The following TBC1D8 variants were observed in gnomAD, a reference collection of about 807,000 sequenced individuals.
TBC1D8 encodes the protein BUB2-like protein 1.
TBC1D8 carries 65 observed loss-of-function variants against 118.8 expected under a neutral mutation model. The ratio of observed to expected loss-of-function variants is 0.55; its 90% CI spans 0.45 to 0.67. The LOEUF (loss-of-function observed/expected upper bound fraction) is 0.67. TBC1D8 is among the 30% of genes least tolerant of loss of function. The pLI is 0.00. For synonymous variants in TBC1D8, 566 were observed against 595.8 expected, an observed-to-expected ratio of 0.95 and a Z score of 0.73; for missense variants, 1,376 against 1,471.2, an observed-to-expected ratio of 0.94 and a Z score of 1.06.
intron 2 of TBC1D8, among the ~76,000 whole-genome samples, chr2:101,076,308 G>A (rs1011427134): frequency 1.3e-5 from 2 of 152,106 alleles, no homozygotes; most frequent in East Asian, 1.9e-4. Context: ...TGATCATAAC[G>A]GAAAAAAACC....
At position 101,035,446 on chromosome 2, in the gene TBC1D8, C is replaced by T. The variant is rs185865823; in HGVS notation, c.1603+572G>A. On this transcript the variant is annotated intron_variant, in intron 9 of 19. Coordinates refer to ENST00000409318, the MANE Select transcript of TBC1D8 (RefSeq NM_001330348.2). ...TCCTGATGAGGGTTCCCAGGCGTTC[C>T]CCAATGGGTGCAGTGAGAGGCCCCG... Among the ~76,000 whole-genome samples the T allele has an allele frequency of 6.6e-5, 10 of 152,276 alleles. No individual in the cohort carries two copies. The East Asian group carries it at 1.9e-3, about 29-fold the overall frequency.
At chr2:101,063,461 TG>T (rs923050891) in intron 2 of TBC1D8, among the ~76,000 whole-genome samples, 2 of 152,148 alleles carry the variant, frequency 1.3e-5, no homozygotes, top group African/African-American at 4.8e-5. Flanking sequence ...AAGACATAAT[TG>T]TATGCTTCTC....
intron 1 of TBC1D8, among the ~76,000 whole-genome samples, chr2:101,122,383 C>CAAGAAAAAAAAAAAAA (rs1678161154): frequency 1.4e-5 from 1 of 71,934 alleles, no homozygotes; most frequent in Non-Finnish European, 2.8e-5. Flanking sequence ...GACTCCATTT[C>CAAGAAAAAAAAAAAAA]AAAAAAAAAA....
chr2:101,049,324 A>C (rs988639373), intron 5 of TBC1D8, among the ~76,000 whole-genome samples: 3 of 152,256 alleles, frequency 2.0e-5, no homozygotes, highest in Admixed American at 6.5e-5. Flanking sequence ...CAAACCACGT[A>C]GCATACTGAC....
rs1681175497 is a variant in TBC1D8, at chr2:101,038,519, A to G, written c.1217T>C (p.Leu406Ser). The G allele has an allele frequency of 6.2e-7, 1 of 1,613,632 alleles. No individual in the cohort carries two copies. Among genetic ancestry groups the G allele is most frequent in the African/African-American group, 1.3e-5 (1 of 74,868 alleles). ...GGGGTGGTTGGCGTGGACCTGCTTC[A>G]ACCTCGCAAGCAGCGCCTCCACCAG... ...DSLVEALLARLKQVHANHPVH... is the reference protein window; with the variant it reads ...DSLVEALLARSKQVHANHPVH... Residue 406 changes from leucine (L) to serine (S), a missense_variant, in exon 7 of 20, where the codon TTG becomes TCG. Transcript: ENST00000409318.
chr2:101,048,422 G>A (rs552758961), intron 5 of TBC1D8, among the ~76,000 whole-genome samples: 11 of 152,248 alleles, frequency 7.2e-5, no homozygotes, highest in Admixed American at 2.6e-4. Flanking sequence ...TGCCCCAAGC[G>A]TGTCCTTTCA....
chr2:101,084,506 G>A (rs548163408), intron 2 of TBC1D8, among the ~76,000 whole-genome samples: 7 of 152,134 alleles, frequency 4.6e-5, no homozygotes, highest in Admixed American at 2.0e-4. Flanking sequence ...AGCCGAGATC[G>A]CATGACCGCA....
At chr2:101,087,195 C>T (rs1283816836) in intron 2 of TBC1D8, among the ~76,000 whole-genome samples, 1 of 152,184 alleles carries the variant, frequency 6.6e-6, no homozygotes, top group Non-Finnish European at 1.5e-5. Flanking sequence ...TGCTCTAGAG[C>T]ATAGCCTCAA....
At chr2:101,054,055 C>T (rs1401053061) in intron 4 of TBC1D8, 53 bp downstream of exon 4, 1 of 1,527,274 alleles carries the variant, frequency 6.5e-7, no homozygotes, top group Admixed American at 1.9e-5. Context: ...GGGAGCAGCG[C>T]TGAGTCCCTG....
intron 9 of TBC1D8, among the ~76,000 whole-genome samples, chr2:101,035,171 G>A (rs995977092): frequency 6.6e-6 from 1 of 152,028 alleles, no homozygotes; most frequent in Non-Finnish European, 1.5e-5. Flanking sequence ...GCCTCCAGGC[G>A]CCTCCCTGCT....
intron 1 of TBC1D8, among the ~76,000 whole-genome samples, chr2:101,115,824 T>C (rs1574057668): frequency 6.6e-6 from 1 of 151,916 alleles, no homozygotes; most frequent in Admixed American, 6.5e-5. Context: ...CTGGCAGTGG[T>C]AGTGATGGAA....
chr2:101,055,943 C>CCA (rs1433520337), intron 3 of TBC1D8, among the ~76,000 whole-genome samples: 1 of 152,198 alleles, frequency 6.6e-6, no homozygotes, highest in Admixed American at 6.5e-5. Flanking sequence ...CTGTGAACAG[C>CCA]CACTGCACTC....
At chr2:101,105,439 A>G (rs770058923) in intron 1 of TBC1D8, among the ~76,000 whole-genome samples, 10 of 151,872 alleles carry the variant, frequency 6.6e-5, no homozygotes, top group Non-Finnish European at 1.5e-4. Flanking sequence ...AAATACAAAA[A>G]TCAGCTTGGC....
Position 101,103,667 on chromosome 2 carries a change from C to T in TBC1D8, c.128-13303G>A, listed in dbSNP as rs555583180. ...TTGGCCTCCCAAAGTGCTGGGATTACAGGCGTGAGCCACCGCGCATGGCCA... is the reference window on the plus strand; with the variant it reads ...TTGGCCTCCCAAAGTGCTGGGATTATAGGCGTGAGCCACCGCGCATGGCCA... On this transcript the variant is annotated intron_variant, in intron 1 of 19. Coordinates refer to ENST00000409318, the MANE Select transcript of TBC1D8 (RefSeq NM_001330348.2). Among the ~76,000 whole-genome samples the T allele has an allele frequency of 3.9e-5, 6 of 152,246 alleles. No individual in the cohort carries two copies. The South Asian group carries it at 1.2e-3, about 32-fold the overall frequency.
At chr2:101,060,681 C>T (rs1430909190) in intron 2 of TBC1D8, among the ~76,000 whole-genome samples, 2 of 152,192 alleles carry the variant, frequency 1.3e-5, no homozygotes, top group Non-Finnish European at 2.9e-5. Context: ...GGGCCTGGCA[C>T]ACAGCAGATG....
At chr2:101,010,476 A>G (rs1679118056) in intron 19 of TBC1D8, among the ~76,000 whole-genome samples, 1 of 152,192 alleles carries the variant, frequency 6.6e-6, no homozygotes, top group Non-Finnish European at 1.5e-5. Context: ...TATCTGAAGT[A>G]TCTTCAGTTG....
chr2:101,147,031 C>T (rs1401656882), intron 1 of TBC1D8, among the ~76,000 whole-genome samples: 7 of 151,452 alleles, frequency 4.6e-5, no homozygotes, highest in Admixed American at 1.3e-4. Context: ...GTTGCAAATG[C>T]GCCAGGCACG....
chr2:101,150,855 A>G (rs1176036552), intron 1 of TBC1D8, among the ~76,000 whole-genome samples: 1 of 152,060 alleles, frequency 6.6e-6, no homozygotes, highest in African/African-American at 2.4e-5. Context: ...TCCCAAGTCG[A>G]GTCCGGCCTC....
In TBC1D8 at chr2:101,066,535, G is replaced by A. The variant is rs538562237; in HGVS notation, c.284-6996C>T. 1.2e-4 allele frequency among the ~76,000 whole-genome samples: 18 copies of A among 152,250 alleles called. No homozygotes were observed. The South Asian group carries it at 3.7e-3, about 32-fold the overall frequency. On this transcript the variant is annotated intron_variant, in intron 2 of 19. Coordinates refer to ENST00000409318, the MANE Select transcript of TBC1D8 (RefSeq NM_001330348.2). ...CACAGCAAAAATAACTAATTAAATAGTGTTTTGATTACACATATGTACAGA... is the reference window on the plus strand; with the variant it reads ...CACAGCAAAAATAACTAATTAAATAATGTTTTGATTACACATATGTACAGA...
Sources: allele counts gnomAD v4.1 joint callset (sites outside exome capture counted in the v4.1 genomes callset), GRCh38; gene constraint gnomAD v4.1.1; transcripts MANE v1.5; gene names NCBI Gene and HGNC (gene_info 2026-07-23, HGNC 2026-07-21).